Variants in VSTM2L observed in about 807,000 individuals in gnomAD.
VSTM2L encodes V-set and transmembrane domain containing 2 like.
Under a neutral mutation model 19.9 loss-of-function variants are expected in VSTM2L, and 9 were observed. The observed-to-expected ratio is 0.45, with a 90% CI of 0.27 to 0.79. VSTM2L has a LOEUF of 0.79. Ranked by LOEUF, VSTM2L falls within the 30% of genes least tolerant of loss-of-function variation. The probability of loss-of-function intolerance (pLI) is 0.15; values close to 1 mark genes in which losing one functional copy is unlikely to be tolerated. For synonymous variants in VSTM2L, 127 were observed against 133.8 expected (o/e 0.95, Z 0.35); for missense variants, 286 against 295.5 (o/e 0.97, Z 0.24).
At chr20:37,929,559 A>T (rs2072897046) in intron 1 of VSTM2L, among the ~76,000 whole-genome samples, 1 of 152,138 alleles carries the variant, frequency 6.6e-6, no homozygotes. Context: ...GAGAGTGGTG[A>T]GTAGAGCAGG....
intron 1 of VSTM2L, among the ~76,000 whole-genome samples, chr20:37,923,707 C>G (rs2072864795): frequency 6.6e-6 from 1 of 152,138 alleles, no homozygotes; most frequent in African/African-American, 2.4e-5. Flanking sequence ...AGCAGTGATG[C>G]TCACATGGGG....
intron 1 of VSTM2L, among the ~76,000 whole-genome samples, chr20:37,905,092 G>A (rs1461097738): frequency 6.6e-6 from 1 of 152,114 alleles, no homozygotes; most frequent in Non-Finnish European, 1.5e-5. Context: ...GGGTCTGTCA[G>A]GCAAAGACAG....
chr20:37,912,145 A>G (rs1034692062), intron 1 of VSTM2L, among the ~76,000 whole-genome samples: 4 of 152,244 alleles, frequency 2.6e-5, no homozygotes, highest in African/African-American at 9.6e-5. Flanking sequence ...GACTTGCCTG[A>G]GGACACACAG....
chr20:37,911,542 G>A (rs1193109778), intron 1 of VSTM2L, among the ~76,000 whole-genome samples: 4 of 152,222 alleles, frequency 2.6e-5, no homozygotes, highest in African/African-American at 9.6e-5. Flanking sequence ...AGCCCCCAAC[G>A]CCGAGGATGC....
At position 37,907,143 on chromosome 20, in the gene VSTM2L, A is replaced by G. The variant is rs6021793; in HGVS notation, c.121+3672A>G. On this transcript the variant is annotated intron_variant, in intron 1 of 3. Transcript: ENST00000373461. ...TTCTCTTGAGACAAGATCTTGCTCT[A>G]TTGACCAGGCTCGAGTGCAGTGGCA... Among the ~76,000 whole-genome samples, 43 of 152,284 alleles carry G rather than the reference A, an allele frequency of 2.8e-4. 2 individuals carry two copies. Among genetic ancestry groups the G allele is most frequent in the African/African-American group, 9.9e-4 (41 of 41,552 alleles).
intron 1 of VSTM2L, among the ~76,000 whole-genome samples, chr20:37,908,089 G>A (rs931091211): frequency 2.0e-5 from 3 of 152,156 alleles, no homozygotes; most frequent in African/African-American, 4.8e-5. Flanking sequence ...AGGGTTTCCC[G>A]GCCTCCTGTG....
intron 1 of VSTM2L, among the ~76,000 whole-genome samples, chr20:37,924,741 G>A (rs933509832): frequency 1.3e-5 from 2 of 152,082 alleles, no homozygotes; most frequent in African/African-American, 4.8e-5. Context: ...TCTGGTGCTG[G>A]TGCAGTATCC....
intron 1 of VSTM2L, among the ~76,000 whole-genome samples, chr20:37,914,877 G>A (rs893098396): frequency 1.3e-5 from 2 of 152,202 alleles, no homozygotes; most frequent in Non-Finnish European, 2.9e-5. Flanking sequence ...ATGGGGGTGG[G>A]GTCTTGACTG....
chr20:37,911,462 AGCGGGCG>A, intron 1 of VSTM2L, among the ~76,000 whole-genome samples: 1 of 152,318 alleles, frequency 6.6e-6, no homozygotes, highest in South Asian at 2.1e-4. Context: ...GCCAGAACAC[AGCGGGCG>A]GCTAATAAAG....
At chr20:37,940,521 C>T (rs776642294) in intron 3 of VSTM2L, among the ~76,000 whole-genome samples, 7 of 152,216 alleles carry the variant, frequency 4.6e-5, no homozygotes, top group Admixed American at 2.0e-4. Context: ...TGGTGGCCCT[C>T]GGTGAGCCTG....
chr20:37,934,262 C>T (rs778980350), intron 3 of VSTM2L, among the ~76,000 whole-genome samples: 26 of 152,184 alleles, frequency 1.7e-4, no homozygotes, highest in African/African-American at 2.4e-4. Context: ...CAGGGAGTGA[C>T]GGCTTTTGTG....
At chr20:37,910,119 T>C (rs1350615878) in intron 1 of VSTM2L, among the ~76,000 whole-genome samples, 1 of 152,248 alleles carries the variant, frequency 6.6e-6, no homozygotes. Flanking sequence ...AGGCAGAACC[T>C]AGAGAAACCT....
At chr20:37,930,725 G>A (rs2072903470) in intron 1 of VSTM2L, among the ~76,000 whole-genome samples, 2 of 152,278 alleles carry the variant, frequency 1.3e-5, no homozygotes, top group Admixed American at 1.3e-4. Flanking sequence ...GCCCTGGGCT[G>A]TGGTGGAGAG....
intron 1 of VSTM2L, among the ~76,000 whole-genome samples, chr20:37,922,618 A>T (rs1367452107): frequency 6.6e-6 from 1 of 152,132 alleles, no homozygotes. Flanking sequence ...TATGCTGAGG[A>T]CCAATCTCTG....
intron 1 of VSTM2L, among the ~76,000 whole-genome samples, chr20:37,924,708 A>T (rs773844060): frequency 5.9e-5 from 9 of 151,952 alleles, no homozygotes; most frequent in Non-Finnish European, 1.0e-4. Flanking sequence ...CAAAATACAC[A>T]TCAATCTGTG....
chr20:37,928,905 T>C (rs1342825399), intron 1 of VSTM2L, among the ~76,000 whole-genome samples: 1 of 152,160 alleles, frequency 6.6e-6, no homozygotes, highest in Non-Finnish European at 1.5e-5. Context: ...CTATTAACAT[T>C]TATGTTTACA....
chr20:37,939,448 A>C (rs932777036), intron 3 of VSTM2L, among the ~76,000 whole-genome samples: 5 of 152,010 alleles, frequency 3.3e-5, no homozygotes, highest in African/African-American at 9.7e-5. Flanking sequence ...AAAGAACGAA[A>C]GAAAGAAAGA....
chr20:37,922,187 A>G (rs946991350), intron 1 of VSTM2L, among the ~76,000 whole-genome samples: 2 of 151,936 alleles, frequency 1.3e-5, no homozygotes, highest in Admixed American at 1.3e-4. Context: ...GTTCAATAGC[A>G]ACTCCCTTCC....
chr20:37,927,353 GT>G (rs147467369), intron 1 of VSTM2L, among the ~76,000 whole-genome samples: 5 of 151,798 alleles, frequency 3.3e-5, no homozygotes, highest in African/African-American at 7.2e-5. Context: ...AATTTCACGT[GT>G]TTTTTTTTAC....
Sources: gnomAD v4.1 joint callset for allele counts (sites outside exome capture counted in the v4.1 genomes callset) on GRCh38, gnomAD v4.1.1 for gene constraint, MANE v1.5 for transcripts, NCBI Gene and HGNC (gene_info 2026-07-23, HGNC 2026-07-21) for gene names.